EYA1: variants seen among roughly 807,000 people sequenced by gnomAD.
EYA1 encodes the protein protein phosphatase EYA1.
EYA1 carries 16 observed loss-of-function variants against 82.0 expected under a neutral mutation model. The ratio of observed to expected loss-of-function variants is 0.20; its 90% CI spans 0.13 to 0.30. The LOEUF is 0.30. EYA1 is among the 10% of genes least tolerant of loss of function. The pLI is 1.00. For synonymous variants in EYA1, 261 were observed against 264.4 expected (o/e 0.99, Z 0.12); for missense variants, 633 against 730.7 (o/e 0.87, Z 1.54).
At chr8:71,310,582 A>C (rs1391475820) in intron 7 of EYA1, among the ~76,000 whole-genome samples, 1 of 152,192 alleles carries the variant, frequency 6.6e-6, no homozygotes, top group Non-Finnish European at 1.5e-5. Context: ...GTTCCTGCAA[A>C]GGACATGATC....
intron 2 of EYA1, among the ~76,000 whole-genome samples, chr8:71,521,832 A>T (rs1813421239): frequency 6.6e-6 from 1 of 152,188 alleles, no homozygotes; most frequent in Non-Finnish European, 1.5e-5. Context: ...CTAAGTAATC[A>T]GTTAGATAGC....
chr8:71,360,646 A>G (rs1367538385), intron 1 of EYA1, among the ~76,000 whole-genome samples: 1 of 152,240 alleles, frequency 6.6e-6, no homozygotes, highest in Non-Finnish European at 1.5e-5. Flanking sequence ...ATGACTGTAC[A>G]TGTGTGCATG....
At chr8:71,274,167 A>G (rs1340845972) in intron 9 of EYA1, among the ~76,000 whole-genome samples, 5 of 152,282 alleles carry the variant, frequency 3.3e-5, no homozygotes, top group African/African-American at 4.8e-5. Flanking sequence ...AGGTAAAGGG[A>G]AAAAAACCCC....
chr8:71,543,430 T>C (rs1294569729), intron 1 of EYA1, among the ~76,000 whole-genome samples: 1 of 152,192 alleles, frequency 6.6e-6, no homozygotes, highest in East Asian at 1.9e-4. Flanking sequence ...TTAACAAAGT[T>C]GAGTTTTAAA....
intron 9 of EYA1, among the ~76,000 whole-genome samples, chr8:71,272,357 G>GT (rs1215279584): frequency 1.3e-5 from 2 of 152,114 alleles, no homozygotes; most frequent in African/African-American, 4.8e-5. Context: ...GGAAAACTGA[G>GT]TCATCAGGTA....
At chr8:71,225,338 T>A in intron 12 of EYA1, 2 of 456,064 alleles carry the variant, frequency 4.4e-6, no homozygotes, top group South Asian at 3.1e-5. Context: ...GTTTGTAGCC[T>A]CTCCACACTG....
At chr8:71,236,035 A>G (rs1220932079) in intron 12 of EYA1, among the ~76,000 whole-genome samples, 1 of 151,124 alleles carries the variant, frequency 6.6e-6, no homozygotes, top group African/African-American at 2.5e-5. Context: ...GTTGAATACA[A>G]ATTTTACTCT....
intron 3 of EYA1, among the ~76,000 whole-genome samples, chr8:71,350,870 C>T (rs748203191): frequency 2.6e-5 from 4 of 152,160 alleles, no homozygotes; most frequent in Non-Finnish European, 5.9e-5. Flanking sequence ...CACTGCTTTG[C>T]AAACAAGGCC....
chr8:71,222,589 A>C (rs1810065632), intron 12 of EYA1, among the ~76,000 whole-genome samples: 1 of 152,166 alleles, frequency 6.6e-6, no homozygotes, highest in Non-Finnish European at 1.5e-5. Flanking sequence ...CATTCCTTAC[A>C]CTTATTGTGG....
intron 17 of EYA1, among the ~76,000 whole-genome samples, chr8:71,208,087 A>ACTGT (rs1159830341): frequency 2.0e-5 from 3 of 152,210 alleles, no homozygotes; most frequent in Non-Finnish European, 4.4e-5. Flanking sequence ...ACATTTAGGA[A>ACTGT]CTGTCTATAG....
intron 1 of EYA1, among the ~76,000 whole-genome samples, chr8:71,360,987 T>A (rs1827323305): frequency 6.6e-6 from 1 of 152,214 alleles, no homozygotes; most frequent in Non-Finnish European, 1.5e-5. Flanking sequence ...AGTTTACAGA[T>A]CTTGTTTTAA....
chr8:71,320,060 A>T (rs1462708780), intron 6 of EYA1, among the ~76,000 whole-genome samples: 1 of 151,708 alleles, frequency 6.6e-6, no homozygotes, highest in East Asian at 1.9e-4. Context: ...CCCCATCCTC[A>T]CTCTGCTAGT....
chr8:71,257,363 T>C (rs968084432), intron 11 of EYA1, among the ~76,000 whole-genome samples: 3 of 152,138 alleles, frequency 2.0e-5, no homozygotes, highest in Non-Finnish European at 2.9e-5. Context: ...GTTTCTATAA[T>C]GAAAAGTTAA....
intron 2 of EYA1, 117 bp downstream of exon 2, chr8:71,356,345 A>C: frequency 1.2e-6 from 1 of 853,584 alleles, no homozygotes; most frequent in Non-Finnish European, 1.8e-6. Flanking sequence ...ACTGTTAAGT[A>C]ATTTCCAACA....
intron 4 of EYA1, among the ~76,000 whole-genome samples, chr8:71,329,985 T>C (rs190055993): frequency 3.3e-5 from 5 of 151,888 alleles, no homozygotes; most frequent in Admixed American, 6.6e-5. Flanking sequence ...CAGACGAAGT[T>C]AGGGAGAGTA....
Position 71,322,501 on chromosome 8 carries a change from G to GA in EYA1, c.203-234dup, listed in dbSNP as rs1822689954. On this transcript the variant is annotated intron_variant, in intron 4 of 17. Coordinates refer to ENST00000340726, the MANE Select transcript of EYA1 (RefSeq NM_000503.6). ...GGCTCTAGTTTTAAATGAACTCTTA[G>GA]AAAACGTCATCACAATCTTCGCAAA... 8 of 534,392 alleles carry GA rather than the reference G, an allele frequency of 1.5e-5. No homozygotes were observed. The Middle Eastern group carries it at 2.1e-3, about 139-fold the overall frequency. The allele number at this position is 534,392 out of a possible 1,614,324, so 33.1% of individuals were successfully genotyped here. A position where few individuals can be genotyped will look rare whatever the true frequency, so the allele number is the denominator to read the frequency against.
intron 1 of EYA1, among the ~76,000 whole-genome samples, chr8:71,544,082 T>A (rs1815361663): frequency 6.6e-6 from 1 of 152,100 alleles, no homozygotes; most frequent in Non-Finnish European, 1.5e-5. Flanking sequence ...AATGGAGAAA[T>A]CATTAAGCTG....
At chr8:71,267,138 T>G (rs1815934740) in intron 11 of EYA1, among the ~76,000 whole-genome samples, 1 of 152,158 alleles carries the variant, frequency 6.6e-6, no homozygotes, top group African/African-American at 2.4e-5. Flanking sequence ...TCCATTGTGG[T>G]CCCCCGATGA....
chr8:71,231,193 T>A (rs1217021674), intron 12 of EYA1, among the ~76,000 whole-genome samples: 1 of 152,248 alleles, frequency 6.6e-6, no homozygotes, highest in East Asian at 1.9e-4. Context: ...GTTCTCTGTC[T>A]CCACAAACAA....
Sources: gnomAD v4.1 joint callset for allele counts (sites outside exome capture counted in the v4.1 genomes callset) on GRCh38, gnomAD v4.1.1 for gene constraint, MANE v1.5 for transcripts, NCBI Gene and HGNC (gene_info 2026-07-23, HGNC 2026-07-21) for gene names.